Variants in MYO9A observed in about 807,000 individuals in gnomAD.
MYO9A encodes myosin IXA.
MYO9A carries 103 observed loss-of-function variants against 293.3 expected under a neutral mutation model. The observed-to-expected ratio is 0.35, with a 90% CI of 0.30 to 0.41. The LOEUF (loss-of-function observed/expected upper bound fraction) is 0.41. Ranked by LOEUF, MYO9A falls within the 10% of genes least tolerant of loss-of-function variation. The probability of loss-of-function intolerance (pLI) is 1.00; values close to 1 mark genes in which losing one functional copy is unlikely to be tolerated. For synonymous variants in MYO9A, 1,001 were observed against 1,035.7 expected (o/e 0.97, Z 0.64); for missense variants, 2,685 against 3,033.0 (o/e 0.89, Z 2.69).
chr15:71,978,063 CA>C (rs565597802), intron 12 of MYO9A, 107 bp downstream of exon 12: 60 of 1,252,576 alleles, frequency 4.8e-5, no homozygotes, highest in East Asian at 4.3e-4. Flanking sequence ...ATAAATTGTA[CA>C]AAAAAAATTT....
Position 71,935,442 on chromosome 15 carries a change from G to C in MYO9A, c.2421C>G (p.Arg807=). The part of the protein sequence containing the change: ...DIAWNGRTGI[R]QSRLSSGTSL... ...AGGTGCCACTTGATAGTCTGCTCTG[G>C]CGAATCCCAGTTCTGCCATTCCAGG... The change falls in exon 17 of 42, where the codon CGC becomes CGG. Residue 807 remains arginine (R), a synonymous_variant. Transcript: ENST00000356056. The C allele has an allele frequency of 6.2e-7, 1 of 1,613,548 alleles. No individual in the cohort carries two copies. Among genetic ancestry groups the C allele is most frequent in the Non-Finnish European group, 8.5e-7 (1 of 1,179,676 alleles).
chr15:72,046,610 G>A lies in MYO9A; in HGVS notation c.-47C>T. The stretch of plus-strand genomic sequence containing the variant: ...ATGGATAGTATATGTTCAAAGTCGT[G>A]CAAACCATTTTCTTGGTAAAATAAC... On this transcript the variant is annotated 5_prime_UTR_variant, in exon 2 of 42. Coordinates refer to ENST00000356056, the MANE Select transcript of MYO9A (RefSeq NM_006901.4). 2 of 1,457,448 alleles carry A rather than the reference G, an allele frequency of 1.4e-6. No homozygotes were observed. Among genetic ancestry groups the A allele is most frequent in the South Asian group, 1.7e-5 (1 of 60,396 alleles). 90.3% of individuals were successfully genotyped at this position (1,457,448 alleles called of 1,614,324 possible). A position where few individuals can be genotyped will look rare whatever the true frequency, so the allele number is the denominator to read the frequency against.
In MYO9A at chr15:71,898,780, C is replaced by G. The variant is rs2057404210; in HGVS notation, c.3723G>C (p.Gln1241His). 6.2e-7 allele frequency: 1 copy of G among 1,614,040 alleles called. No individual in the cohort carries two copies. The highest frequency in any genetic ancestry group is 1.3e-5 in the African/African-American group (1 of 74,910). Reference protein sequence around the residue: ...PNKQQERAQSQSGVDLQEDVL... With the variant: ...PNKQQERAQSHSGVDLQEDVL... ...CATCTTCCTGCAAGTCCACACCACT[C>G]TGGCTTTGGGCTCTCTCCTGCTGCT... is the stretch of plus-strand genomic sequence containing the variant. The change falls in exon 25 of 42, where the codon CAG (glutamine) becomes CAC (histidine). Residue 1241 changes from glutamine (Q) to histidine (H), a missense_variant. Around this residue, in one of 10 missense-constraint regions of MYO9A, gnomAD observed 1,434 missense variants for 1,497.7 expected, o/e 0.96. Coordinates refer to ENST00000356056, the MANE Select transcript of MYO9A (RefSeq NM_006901.4).
At chr15:72,018,992 G>T in intron 6 of MYO9A, 47 bp downstream of exon 6, 1 of 1,491,164 alleles carries the variant, frequency 6.7e-7, no homozygotes, top group Non-Finnish European at 9.4e-7. Flanking sequence ...TGCGCAATGT[G>T]AGGACCCTTT....
In MYO9A at chr15:71,826,831, T is replaced by C; in HGVS notation, c.7396A>G (p.Asn2466Asp). Residue 2466 changes from asparagine (N) to aspartate (D), a missense_variant, in exon 42 of 42, where the codon AAT becomes GAT. Transcript: ENST00000356056. ...GGTCCTTCCATTCCCAGGGCCTCAT[T>C]ACCTGAGGCAGCTCGGTAGAATGGA... is the stretch of plus-strand genomic sequence containing the variant. ...KSPFYRAASGNEALGMEGPLG... is the reference protein window; with the variant it reads ...KSPFYRAASGDEALGMEGPLG... 6.2e-7 allele frequency: 1 copy of C among 1,614,098 alleles called. No individual in the cohort carries two copies. Among genetic ancestry groups the C allele is most frequent in the Non-Finnish European group, 8.5e-7 (1 of 1,179,948 alleles).
intron 4 of MYO9A, 33 bp from the exon 5 acceptor site, chr15:72,021,050 T>C (rs2077487841): frequency 7.3e-7 from 1 of 1,371,476 alleles, no homozygotes; most frequent in Non-Finnish European, 1.0e-6. Context: ...AGTTTCATAA[T>C]GTGTGACTTA....
chr15:72,006,502 T>C (rs752438695), intron 8 of MYO9A, among the ~76,000 whole-genome samples: 32 of 152,132 alleles, frequency 2.1e-4, no homozygotes, highest in Non-Finnish European at 4.1e-4. Context: ...AATCTATATA[T>C]CTACTAAAAA....
intron 19 of MYO9A, among the ~76,000 whole-genome samples, chr15:71,906,837 T>C (rs1262104542): frequency 7.1e-6 from 1 of 141,762 alleles, no homozygotes; most frequent in Non-Finnish European, 1.5e-5. Context: ...GATCTCGGCC[T>C]ACTGCAAGCT....
chr15:72,095,477 G>A (rs8034768), intron 1 of MYO9A, among the ~76,000 whole-genome samples: 6,441 of 92,548 alleles, frequency 0.07, 1,201 homozygotes, highest in African/African-American at 0.16. Flanking sequence ...GAAAGAAGCC[G>A]CCTCCACAAC....
chr15:71,937,191 A>C (rs973280050), intron 16 of MYO9A, among the ~76,000 whole-genome samples: 1 of 152,174 alleles, frequency 6.6e-6, no homozygotes, highest in Non-Finnish European at 1.5e-5. Context: ...GATTCAAAGC[A>C]TTATAGAAAT....
chr15:71,928,919 T>G (rs2058399863), intron 18 of MYO9A, among the ~76,000 whole-genome samples: 2 of 150,712 alleles, frequency 1.3e-5, no homozygotes, highest in South Asian at 4.2e-4. Flanking sequence ...AAAAAAAAAT[T>G]TAATAGCCAG....
chr15:72,056,466 A>C (rs1196027813), intron 1 of MYO9A, among the ~76,000 whole-genome samples: 1 of 152,248 alleles, frequency 6.6e-6, no homozygotes, highest in African/African-American at 2.4e-5. Context: ...GGAGACCATT[A>C]ATCTAAGTGA....
intron 18 of MYO9A, among the ~76,000 whole-genome samples, chr15:71,920,037 A>AC (rs2144972586): frequency 6.6e-6 from 1 of 152,254 alleles, no homozygotes; most frequent in South Asian, 2.1e-4. Context: ...CTATTAGGAC[A>AC]TTAAAAAATA....
intron 1 of MYO9A, among the ~76,000 whole-genome samples, chr15:72,083,156 T>C (rs546427435): frequency 6.6e-6 from 1 of 152,228 alleles, no homozygotes; most frequent in South Asian, 2.1e-4. Context: ...GTCCTGGGCT[T>C]TTTTGCTCGA....
chr15:72,033,039 T>C (rs189994265), intron 2 of MYO9A, among the ~76,000 whole-genome samples: 1 of 152,162 alleles, frequency 6.6e-6, no homozygotes, highest in African/African-American at 2.4e-5. Context: ...TTAGTAAAGA[T>C]GGGGTTTCAA....
At chr15:72,028,586 G>A (rs2077758682) in intron 3 of MYO9A, among the ~76,000 whole-genome samples, 1 of 151,584 alleles carries the variant, frequency 6.6e-6, no homozygotes, top group African/African-American at 2.4e-5. Context: ...GGCAGAGGCT[G>A]CAGTGAGCTG....
In MYO9A at chr15:71,826,887, G is replaced by C; in HGVS notation, c.7340C>G (p.Thr2447Ser). Reference sequence around the variant, plus strand: ...GGAATAAATCTGAAATAGTTTTCTGGTCCCATGAGATGATGCCGTGTTAGA... The same window carrying C: ...GGAATAAATCTGAAATAGTTTTCTGCTCCCATGAGATGATGCCGTGTTAGA... ...CLSNTASSHG[T>S]RKLFQIYSKS... Residue 2447 changes from threonine (T) to serine (S), a missense_variant, in exon 42 of 42, where the codon ACC becomes AGC. By Grantham distance (58) the Thr-to-Ser change is moderately conservative. Coordinates refer to ENST00000356056, the MANE Select transcript of MYO9A (RefSeq NM_006901.4). 1 of 1,614,086 alleles carries C rather than the reference G, an allele frequency of 6.2e-7. No individual in the cohort carries two copies. The highest frequency in any genetic ancestry group is 8.5e-7 in the Non-Finnish European group (1 of 1,179,986).
intron 32 of MYO9A, among the ~76,000 whole-genome samples, chr15:71,867,589 T>C (rs1284343338): frequency 2.1e-5 from 3 of 141,560 alleles, no homozygotes; most frequent in Non-Finnish European, 4.6e-5. Context: ...AAAAACAGAC[T>C]GCAGTTAAAA....
At chr15:71,929,073 TAAA>T (rs71133934) in intron 18 of MYO9A, among the ~76,000 whole-genome samples, 3 of 139,640 alleles carry the variant, frequency 2.1e-5, no homozygotes, top group Admixed American at 7.1e-5. Flanking sequence ...CTGTCTCTAT[TAAA>T]AAAAAAAAAA....
Sources: gnomAD v4.1 joint callset for allele counts (sites outside exome capture counted in the v4.1 genomes callset) on GRCh38, gnomAD v4.1.1 for gene constraint, gnomAD v4.1.1 regional missense constraint, MANE v1.5 for transcripts, NCBI Gene and HGNC (gene_info 2026-07-23, HGNC 2026-07-21) for gene names.